Variants in PRRC1 observed in about 807,000 individuals in gnomAD.
PRRC1 encodes the protein protein PRRC1.
PRRC1 carries 39 observed loss-of-function variants against 40.7 expected under a neutral mutation model. The observed-to-expected ratio is 0.96, with a 90% CI of 0.74 to 1.25. PRRC1 has a LOEUF of 1.25. Among genes scored for constraint, PRRC1 ranks in the 50% most tolerant of loss-of-function variants. The probability of loss-of-function intolerance (pLI) is 0.00; values close to 1 mark genes in which losing one functional copy is unlikely to be tolerated. For missense variants in PRRC1, 573 were observed against 548.3 expected (o/e 1.05, Z -0.45); for synonymous variants, 175 against 193.3 (o/e 0.91, Z 0.79).
chr5:127,539,407 AGAT>A, intron 7 of PRRC1, among the ~76,000 whole-genome samples: 1 of 152,106 alleles, frequency 6.6e-6, no homozygotes, highest in Non-Finnish European at 1.5e-5. Flanking sequence ...ACTAAGTATA[AGAT>A]GATAGATTTG....
At chr5:127,519,985 CCAGT>C (rs1767417345) in intron 1 of PRRC1, among the ~76,000 whole-genome samples, 1 of 152,172 alleles carries the variant, frequency 6.6e-6, no homozygotes, top group Non-Finnish European at 1.5e-5. Flanking sequence ...TCCTCCATAC[CCAGT>C]CACTGAATTT....
chr5:127,553,276 T>A lies in PRRC1; in HGVS notation c.*1360T>A. On this transcript the variant is annotated 3_prime_UTR_variant, in exon 9 of 9. Transcript: ENST00000296666. ...GTGTTAATGCCACTTCAAGTCATTA[T>A]TTGGTTTCTGCTATTTTTTTACCTG... 1.0e-6 allele frequency: 1 copy of A among 987,206 alleles called. No individual in the cohort carries two copies. Among genetic ancestry groups the A allele is most frequent in the Non-Finnish European group, 1.2e-6 (1 of 831,282 alleles). 61.2% of individuals were successfully genotyped at this position (987,206 alleles called of 1,614,324 possible).
intron 3 of PRRC1, among the ~76,000 whole-genome samples, chr5:127,526,353 T>A (rs1357879508): frequency 6.6e-6 from 1 of 152,228 alleles, no homozygotes; most frequent in African/African-American, 2.4e-5. Flanking sequence ...ATCCAAGTGC[T>A]GAATAGGACA....
chr5:127,525,431 A>G (rs1767594138), intron 3 of PRRC1, among the ~76,000 whole-genome samples: 1 of 152,174 alleles, frequency 6.6e-6, no homozygotes. Context: ...TAATCAGTTA[A>G]TGTTGGGTTG....
At position 127,552,078 on chromosome 5, in the gene PRRC1, T is replaced by A; in HGVS notation, c.*162T>A. 1 of 1,429,056 alleles carries A rather than the reference T, an allele frequency of 7.0e-7. No homozygotes were observed. Among genetic ancestry groups the A allele is most frequent in the Non-Finnish European group, 9.1e-7 (1 of 1,093,842 alleles). 88.5% of individuals were successfully genotyped at this position (1,429,056 alleles called of 1,614,324 possible). The stretch of plus-strand genomic sequence containing the variant: ...TTTCTCTAGAAAGGCATCATGTCAT[T>A]CCAGGAGACAAAAAGAAACAAATCC... On this transcript the variant is annotated 3_prime_UTR_variant, in exon 9 of 9. Transcript: ENST00000296666.
intron 5 of PRRC1, among the ~76,000 whole-genome samples, chr5:127,533,102 A>G (rs1033189338): frequency 6.6e-6 from 1 of 152,076 alleles, no homozygotes; most frequent in African/African-American, 2.4e-5. Context: ...ATGCTTGCAT[A>G]TTTATATTAG....
In PRRC1 at chr5:127,539,124, G is replaced by A; in HGVS notation, c.1006G>A (p.Ala336Thr). 1 of 1,612,588 alleles carries A rather than the reference G, an allele frequency of 6.2e-7. No individual in the cohort carries two copies. Among genetic ancestry groups the A allele is most frequent in the South Asian group, 1.1e-5 (1 of 91,036 alleles). The change falls in exon 7 of 9, where the codon GCA (alanine) becomes ACA (threonine). Residue 336 changes from alanine (A) to threonine (T), a missense_variant. Transcript: ENST00000296666. ...QTAVSVENFIAELLPDKWFDI... is the reference protein window; with the variant it reads ...QTAVSVENFITELLPDKWFDI... ...AGCTGTGTCAGTAGAAAACTTCATT[G>A]CAGAATTGCTGCCTGACAAGTAAGT... is the stretch of plus-strand genomic sequence containing the variant.
intron 7 of PRRC1, 75 bp from the exon 8 acceptor site, chr5:127,547,744 G>GT: frequency 3.0e-6 from 3 of 990,290 alleles, no homozygotes; most frequent in South Asian, 1.6e-5. Context: ...AATAGTACTT[G>GT]TTTTTTCTTT....
chr5:127,524,277 C>A (rs1767540779), intron 2 of PRRC1, among the ~76,000 whole-genome samples: 1 of 152,020 alleles, frequency 6.6e-6, no homozygotes, highest in Admixed American at 6.5e-5. Context: ...ATTAAAAATA[C>A]ACCAAAACAA....
intron 6 of PRRC1, among the ~76,000 whole-genome samples, chr5:127,534,638 C>T (rs1215838784): frequency 6.6e-6 from 1 of 152,120 alleles, no homozygotes; most frequent in African/African-American, 2.4e-5. Flanking sequence ...TTTGCTGATT[C>T]CTCCTCTTCT....
chr5:127,539,077 G>T lies in PRRC1; in HGVS notation c.959G>T (p.Gly320Val). The T allele has an allele frequency of 2.5e-6, 4 of 1,612,916 alleles. No homozygotes were observed. The highest frequency in any genetic ancestry group is 3.4e-6 in the Non-Finnish European group (4 of 1,179,052). Reference sequence around the variant, plus strand: ...CGGATAGATAGCTTGCGTCGAACTGGGGTGATCCATGAAAAACAGACAGCT... The same window carrying T: ...CGGATAGATAGCTTGCGTCGAACTGTGGTGATCCATGAAAAACAGACAGCT... Reference protein sequence around the residue: ...QERIDSLRRTGVIHEKQTAVS... With the variant: ...QERIDSLRRTVVIHEKQTAVS... The change falls in exon 7 of 9, where the codon GGG becomes GTG. Residue 320 changes from glycine (G) to valine (V), a missense_variant. Coordinates refer to ENST00000296666, the MANE Select transcript of PRRC1 (RefSeq NM_130809.5).
chr5:127,535,527 G>A (rs1241581307), intron 6 of PRRC1, among the ~76,000 whole-genome samples: 2 of 152,146 alleles, frequency 1.3e-5, no homozygotes, highest in African/African-American at 2.4e-5. Flanking sequence ...ATTTCTCATA[G>A]CTCTGTGCAT....
chr5:127,539,271 C>A, intron 7 of PRRC1, 128 bp downstream of exon 7: 1 of 639,852 alleles, frequency 1.6e-6, no homozygotes, highest in Admixed American at 2.6e-5. Flanking sequence ...CTGGCTATAT[C>A]ACTTAACTAG....
In PRRC1 at chr5:127,544,548, C is replaced by T. The variant is rs182752599; in HGVS notation, c.1026-3271C>T. Among the ~76,000 whole-genome samples the T allele has an allele frequency of 5.6e-3, 848 of 152,338 alleles. 9 individuals carry two copies. Among genetic ancestry groups the T allele is most frequent in the African/African-American group, 0.018 (732 of 41,574 alleles). On this transcript the variant is annotated intron_variant, in intron 7 of 8. Transcript: ENST00000296666. Reference sequence around the variant, plus strand: ...TGGGCTCCACCCAGTTCGAGCTTCCCGGCTGTTTTGTTTACCTAAGCAAGT... The same window carrying T: ...TGGGCTCCACCCAGTTCGAGCTTCCTGGCTGTTTTGTTTACCTAAGCAAGT...
At chr5:127,518,663 T>C (rs1349747710) in intron 1 of PRRC1, among the ~76,000 whole-genome samples, 2 of 152,160 alleles carry the variant, frequency 1.3e-5, no homozygotes, top group East Asian at 3.9e-4. Flanking sequence ...CAATAATTGC[T>C]CTTAATGCTT....
intron 1 of PRRC1, among the ~76,000 whole-genome samples, chr5:127,518,731 CTTTTTTTTT>C (rs79976581): frequency 5.7e-5 from 8 of 139,786 alleles, no homozygotes; most frequent in Admixed American, 2.9e-4. Context: ...TAGACATCCA[CTTTTTTTTT>C]TTTTTTTTAA....
chr5:127,541,867 C>G (rs1241938620), intron 7 of PRRC1, among the ~76,000 whole-genome samples: 1 of 151,620 alleles, frequency 6.6e-6, no homozygotes, highest in Non-Finnish European at 1.5e-5. Flanking sequence ...TTTTGTGTCT[C>G]TATTTCCTTC....
intron 8 of PRRC1, chr5:127,548,278 G>A (rs1768280653): frequency 2.3e-6 from 1 of 439,036 alleles, no homozygotes; most frequent in African/African-American, 2.0e-5. Flanking sequence ...CATTTCCACT[G>A]TTATCTCCAT....
At position 127,523,445 on chromosome 5, in the gene PRRC1, T is replaced by G. The variant is rs1468855984; in HGVS notation, c.-20-15T>G. 3.1e-6 allele frequency: 4 copies of G among 1,302,798 alleles called. No individual in the cohort carries two copies. Among genetic ancestry groups the G allele is most frequent in the Non-Finnish European group, 4.3e-6 (4 of 923,724 alleles). The allele number at this position is 1,302,798 out of a possible 1,614,324, so 80.7% of individuals were successfully genotyped here. ...GTTACTGTGTAATATTTGTTACATTTTTGTGTTTTTATAGTATACCATAAT... is the reference window on the plus strand; with the variant it reads ...GTTACTGTGTAATATTTGTTACATTGTTGTGTTTTTATAGTATACCATAAT... On this transcript the variant is annotated splice_polypyrimidine_tract_variant and intron_variant, in intron 1 of 8. Transcript: ENST00000296666.
Sources: gnomAD v4.1 joint callset for allele counts (sites outside exome capture counted in the v4.1 genomes callset) on GRCh38, gnomAD v4.1.1 for gene constraint, MANE v1.5 for transcripts, NCBI Gene and HGNC (gene_info 2026-07-23, HGNC 2026-07-21) for gene names.